Variants in HMCN1 observed in about 807,000 individuals in gnomAD.
The protein encoded by HMCN1 is hemicentin-1.
A neutral mutation model predicts 625.9 loss-of-function variants in HMCN1; 321 were observed. The ratio of observed to expected loss-of-function variants is 0.51; its 90% CI spans 0.47 to 0.56. HMCN1 has a LOEUF of 0.56. Among genes scored for constraint, HMCN1 ranks in the 20% least tolerant of loss-of-function variants. HMCN1 has a pLI of 0.00. For synonymous variants in HMCN1, 2,425 were observed against 2,417.6 expected, an observed-to-expected ratio of 1.00 and a Z score of -0.09; for missense variants, 6,588 against 6,887.3, an observed-to-expected ratio of 0.96 and a Z score of 1.54.
At chr1:186,060,772 T>A (rs1657636761) in intron 46 of HMCN1, among the ~76,000 whole-genome samples, 1 of 152,092 alleles carries the variant, frequency 6.6e-6, no homozygotes, top group South Asian at 2.1e-4. Flanking sequence ...GTTTTTGCCA[T>A]TGAAAGTAAT....
chr1:185,997,891 G>A (rs10911794), intron 25 of HMCN1, among the ~76,000 whole-genome samples: 6,299 of 151,598 alleles, frequency 0.042, 453 homozygotes, highest in African/African-American at 0.14. Context: ...TCTCAACCAG[G>A]CAGAGGTATA....
chr1:185,938,906 G>A (rs1243476945), intron 11 of HMCN1, among the ~76,000 whole-genome samples: 1 of 152,018 alleles, frequency 6.6e-6, no homozygotes, highest in Admixed American at 6.6e-5. Context: ...TAAGAAAGAT[G>A]CAAGTAGTTT....
chr1:185,792,265 C>A (rs969799633), intron 1 of HMCN1, among the ~76,000 whole-genome samples: 1 of 152,112 alleles, frequency 6.6e-6, no homozygotes, highest in Non-Finnish European at 1.5e-5. Context: ...ATTTTCTAGC[C>A]ACAAACTGTA....
chr1:186,189,404 G>A lies in HMCN1; in HGVS notation c.16542-108G>A, dbSNP rs1653569900. 2.6e-6 allele frequency: 3 copies of A among 1,166,334 alleles called. No individual in the cohort carries two copies. In the Admixed American group the frequency reaches 5.1e-5, roughly 20 times the overall value. 72.2% of individuals were successfully genotyped at this position (1,166,334 alleles called of 1,614,324 possible). ...GTCTTACCGCTTTTACAGCCAGGCT[G>A]CCTACTGCATGCAGTGCCTAAAAGT... On this transcript the variant is annotated intron_variant, in intron 106 of 106. Coordinates refer to ENST00000271588, the MANE Select transcript of HMCN1 (RefSeq NM_031935.3).
At chr1:185,859,751 C>T (rs1240576772) in intron 2 of HMCN1, among the ~76,000 whole-genome samples, 3 of 151,958 alleles carry the variant, frequency 2.0e-5, no homozygotes, top group East Asian at 1.9e-4. Flanking sequence ...CTGCAACCTC[C>T]GCCTCCTGGG....
intron 62 of HMCN1, 86 bp from the exon 63 acceptor site, chr1:186,088,520 A>G (rs1465850882): frequency 4.6e-5 from 68 of 1,491,268 alleles, no homozygotes; most frequent in Non-Finnish European, 5.3e-5. Flanking sequence ...TTTATCACGT[A>G]AAGTAAGACA....
At chr1:186,103,766 A>T in intron 69 of HMCN1, 98 bp downstream of exon 69, 1 of 992,962 alleles carries the variant, frequency 1.0e-6, no homozygotes, top group Non-Finnish European at 1.5e-6. Context: ...ATCCTTATAT[A>T]TCACAGATCT....
chr1:186,056,067 A>G (rs978566470), intron 45 of HMCN1, among the ~76,000 whole-genome samples: 4 of 152,038 alleles, frequency 2.6e-5, no homozygotes, highest in African/African-American at 9.7e-5. Flanking sequence ...AGTTATACTG[A>G]AGTCAGCTTT....
intron 1 of HMCN1, among the ~76,000 whole-genome samples, chr1:185,750,153 AG>A (rs2102091303): frequency 6.6e-6 from 1 of 152,312 alleles, no homozygotes; most frequent in East Asian, 1.9e-4. Flanking sequence ...CCATGAGGGC[AG>A]GAACTTAATT....
intron 76 of HMCN1, 109 bp from the exon 77 acceptor site, chr1:186,117,350 C>T (rs1478213726): frequency 1.5e-6 from 2 of 1,328,310 alleles, no homozygotes; most frequent in South Asian, 1.2e-5. Context: ...TTTCTACTTA[C>T]CTAACTTTCA....
chr1:185,782,168 C>T (rs577906672), intron 1 of HMCN1, among the ~76,000 whole-genome samples: 2 of 152,188 alleles, frequency 1.3e-5, no homozygotes, highest in African/African-American at 4.8e-5. Context: ...AGGATTGCAA[C>T]CTCTGCCTTT....
chr1:186,182,397 C>G, intron 105 of HMCN1, 110 bp downstream of exon 105: 1 of 1,273,386 alleles, frequency 7.9e-7, no homozygotes, highest in Non-Finnish European at 1.1e-6. Context: ...CCTTCTTACC[C>G]ATTCCCGTGG....
chr1:185,976,311 C>G (rs759326245), intron 15 of HMCN1, among the ~76,000 whole-genome samples: 1 of 152,066 alleles, frequency 6.6e-6, no homozygotes, highest in Non-Finnish European at 1.5e-5. Flanking sequence ...AAAGGTCAGT[C>G]CTTGCTTGGA....
chr1:185,786,720 C>T lies in HMCN1; in HGVS notation c.268+51673C>T, dbSNP rs73060501. Among the ~76,000 whole-genome samples, 1,361 of 152,278 alleles carry T rather than the reference C, an allele frequency of 8.9e-3. 16 individuals carry two copies. Among genetic ancestry groups the T allele is most frequent in the African/African-American group, 0.031 (1,301 of 41,556 alleles). On this transcript the variant is annotated intron_variant, in intron 1 of 106. Transcript: ENST00000271588. ...CACATTTCCAGATATAAAGCCAACA[C>T]GAAACTTTTACATAAATCAAATATG...
At chr1:185,932,050 T>G (rs1489106366) in intron 10 of HMCN1, among the ~76,000 whole-genome samples, 2 of 152,158 alleles carry the variant, frequency 1.3e-5, no homozygotes, top group East Asian at 3.9e-4. Flanking sequence ...TGTACTAAAA[T>G]ATTATTGTAT....
chr1:185,810,749 T>G (rs1019987407), intron 1 of HMCN1, among the ~76,000 whole-genome samples: 3 of 152,126 alleles, frequency 2.0e-5, no homozygotes, highest in Admixed American at 6.6e-5. Flanking sequence ...TTAAAATTTA[T>G]TAAGTGCCTG....
intron 4 of HMCN1, among the ~76,000 whole-genome samples, chr1:185,870,409 T>G (rs1373893972): frequency 6.6e-6 from 1 of 152,176 alleles, no homozygotes; most frequent in Non-Finnish European, 1.5e-5. Context: ...ATTTAGATAA[T>G]TCGCTTGTCC....
At chr1:185,917,392 T>C (rs1666769800) in intron 6 of HMCN1, among the ~76,000 whole-genome samples, 2 of 152,326 alleles carry the variant, frequency 1.3e-5, no homozygotes, top group Middle Eastern at 3.4e-3. Flanking sequence ...CTTGGAATAA[T>C]TGCCATTTAA....
intron 11 of HMCN1, among the ~76,000 whole-genome samples, chr1:185,947,100 C>A (rs1450030574): frequency 6.6e-6 from 1 of 152,070 alleles, no homozygotes; most frequent in Non-Finnish European, 1.5e-5. Flanking sequence ...ATATAACTGC[C>A]AAGATAGATT....
Sources: gnomAD v4.1 joint callset for allele counts (sites outside exome capture counted in the v4.1 genomes callset) on GRCh38, gnomAD v4.1.1 for gene constraint, MANE v1.5 for transcripts, NCBI Gene and HGNC (gene_info 2026-07-23, HGNC 2026-07-21) for gene names.